Variants in CLDN16 observed in about 807,000 individuals in gnomAD.
CLDN16 encodes the protein claudin 16.
CLDN16 carries 13 observed loss-of-function variants against 24.6 expected under a neutral mutation model. That is an observed-to-expected ratio of 0.53 (90% CI 0.34 to 0.84). The LOEUF (loss-of-function observed/expected upper bound fraction) is 0.84. Ranked by LOEUF, CLDN16 falls within the 40% of genes least tolerant of loss-of-function variation. The pLI is 0.01. For missense variants in CLDN16, 298 were observed against 292.7 expected (o/e 1.02, Z -0.13); for synonymous variants, 116 against 106.7 (o/e 1.09, Z -0.54).
chr3:190,328,510 T>G (rs1464310397), intron 1 of CLDN16, among the ~76,000 whole-genome samples: 1 of 152,094 alleles, frequency 6.6e-6, no homozygotes, highest in Non-Finnish European at 1.5e-5. Context: ...AAATCCTGTA[T>G]CTGGAACTTG....
chr3:190,317,524 G>A, the CLDN16 span, among the ~76,000 whole-genome samples: 1 of 152,182 alleles, frequency 6.6e-6, no homozygotes, highest in Non-Finnish European at 1.5e-5. Flanking sequence ...AGACATATAT[G>A]TAATTTTTCT....
At chr3:190,323,003 T>TACACACACACACACACACAC (rs147722582) in intron 1 of CLDN16, among the ~76,000 whole-genome samples, 4,946 of 144,466 alleles carry the variant, frequency 0.034, 153 homozygotes, top group African/African-American at 0.079. Flanking sequence ...CAACATGATT[T>TACACACACACACACACACAC]ACACACACAC....
intron 1 of CLDN16, among the ~76,000 whole-genome samples, chr3:190,338,160 G>A (rs753851067): frequency 6.6e-6 from 1 of 152,192 alleles, no homozygotes; most frequent in African/African-American, 2.4e-5. Context: ...ACTAGGAGAT[G>A]TTGTATTGCC....
chr3:190,368,240 T>A (rs1718064077), intron 1 of CLDN16, among the ~76,000 whole-genome samples: 1 of 151,932 alleles, frequency 6.6e-6, no homozygotes, highest in Non-Finnish European at 1.5e-5. Context: ...GCACACTCTG[T>A]CCCTCTGAAC....
chr3:190,371,847 G>A (rs1474392163), intron 2 of CLDN16, among the ~76,000 whole-genome samples: 2 of 151,944 alleles, frequency 1.3e-5, no homozygotes, highest in Admixed American at 6.6e-5. Flanking sequence ...CCTTGGTTAT[G>A]TAAATTGAGA....
At chr3:190,328,800 T>G (rs986062073) in intron 1 of CLDN16, among the ~76,000 whole-genome samples, 2 of 152,214 alleles carry the variant, frequency 1.3e-5, no homozygotes, top group African/African-American at 2.4e-5. Context: ...AAAAACTAAA[T>G]TAGCTTTTAA....
At chr3:190,318,073 C>A (rs779082180), upstream of CLDN16, among the ~76,000 whole-genome samples, 1 of 152,146 alleles carries the variant, frequency 6.6e-6, no homozygotes, top group Admixed American at 6.5e-5. Flanking sequence ...TTTACTTTTA[C>A]GGAAGTTCAA....
intron 1 of CLDN16, among the ~76,000 whole-genome samples, chr3:190,397,583 C>A (rs1185714006): frequency 6.6e-6 from 1 of 152,098 alleles, no homozygotes; most frequent in African/African-American, 2.4e-5. Context: ...AGAGAGCATT[C>A]CTAAATATAA....
intron 3 of CLDN16, among the ~76,000 whole-genome samples, chr3:190,379,648 G>A (rs1718317394): frequency 6.6e-6 from 1 of 152,058 alleles, no homozygotes; most frequent in African/African-American, 2.4e-5. Context: ...GTATTGCTGT[G>A]CATGTACAAG....
At chr3:190,397,751 G>A (rs1258866357) in intron 1 of CLDN16, among the ~76,000 whole-genome samples, 1 of 152,124 alleles carries the variant, frequency 6.6e-6, no homozygotes, top group African/African-American at 2.4e-5. Flanking sequence ...CTAATAGTGT[G>A]CCCCTGAGCA....
At chr3:190,321,862 T>C (rs751999990), upstream of CLDN16, 21 of 762,996 alleles carry the variant, frequency 2.8e-5, no homozygotes, top group Non-Finnish European at 4.5e-5. Flanking sequence ...GAGCACATGA[T>C]CAGAAGACTT....
At chr3:190,397,328 T>G (rs555359210) in intron 1 of CLDN16, among the ~76,000 whole-genome samples, 1 of 144,256 alleles carries the variant, frequency 6.9e-6, no homozygotes, top group South Asian at 2.2e-4. Context: ...AAGTTGCATG[T>G]TAGAAGGAGA....
At chr3:190,333,156 G>T (rs1717219215) in intron 1 of CLDN16, among the ~76,000 whole-genome samples, 1 of 152,120 alleles carries the variant, frequency 6.6e-6, no homozygotes, top group African/African-American at 2.4e-5. Context: ...ACATTAGCAT[G>T]TGCGTTATGC....
At chr3:190,362,458 C>A (rs1041552576) in intron 1 of CLDN16, among the ~76,000 whole-genome samples, 7 of 151,902 alleles carry the variant, frequency 4.6e-5, no homozygotes, top group Admixed American at 4.6e-4. Flanking sequence ...TCCTGAGCCC[C>A]TACCTGCCAA....
At chr3:190,297,569 GT>G in the CLDN16 span, among the ~76,000 whole-genome samples, 1 of 125,390 alleles carries the variant, frequency 8.0e-6, no homozygotes, top group South Asian at 2.3e-4. Flanking sequence ...ATAATATATA[GT>G]ATATAATATA....
the CLDN16 span, among the ~76,000 whole-genome samples, chr3:190,300,282 A>G: frequency 6.6e-6 from 1 of 150,388 alleles, no homozygotes; most frequent in Non-Finnish European, 1.5e-5. Context: ...CAGAGGGGGC[A>G]TTAGGAAGTG....
chr3:190,343,906 A>G (rs1717492815), intron 1 of CLDN16, among the ~76,000 whole-genome samples: 1 of 152,120 alleles, frequency 6.6e-6, no homozygotes, highest in Non-Finnish European at 1.5e-5. Flanking sequence ...ACAAATAGAG[A>G]CTACAGTAAA....
intron 1 of CLDN16, among the ~76,000 whole-genome samples, chr3:190,391,808 C>A (rs934451329): frequency 1.3e-5 from 2 of 152,158 alleles, no homozygotes; most frequent in Non-Finnish European, 2.9e-5. Flanking sequence ...CACAGAATTA[C>A]GATGTGCACA....
At chr3:190,405,667 G>C (rs919580187) in intron 3 of CLDN16, among the ~76,000 whole-genome samples, 1 of 151,994 alleles carries the variant, frequency 6.6e-6, no homozygotes, top group African/African-American at 2.4e-5. Flanking sequence ...TGTTAAACTT[G>C]TCCCACGTAC....
Sources: allele counts gnomAD v4.1 joint callset (sites outside exome capture counted in the v4.1 genomes callset), GRCh38; gene constraint gnomAD v4.1.1; transcripts MANE v1.5; gene names NCBI Gene and HGNC (gene_info 2026-07-23, HGNC 2026-07-21).